Variants in EPN3 observed in about 807,000 individuals in gnomAD.
The protein encoded by EPN3 is epsin-3.
EPN3 carries 56 observed loss-of-function variants against 55.5 expected under a neutral mutation model. The observed-to-expected ratio is 1.01, with a 90% confidence interval of 0.81 to 1.26. EPN3 has a LOEUF of 1.26. EPN3 is among the 50% of genes most tolerant of loss of function. EPN3 has a pLI of 0.00. For missense variants in EPN3, 927 were observed against 853.4 expected (o/e 1.09, Z -1.07); for synonymous variants, 449 against 375.2 (o/e 1.20, Z -2.27).
intron 9 of EPN3, 50 bp downstream of exon 9, chr17:50,541,744 T>C: frequency 1.2e-6 from 2 of 1,607,384 alleles, no homozygotes; most frequent in East Asian, 2.2e-5. Context: ...TTTCAGAGCC[T>C]AGCCTCCGCC....
chr17:50,542,506 C>G lies in EPN3; in HGVS notation c.*349C>G, dbSNP rs188749888. ...CGCTTCCTTTACAGCTCTTCTCAAC[C>G]CTCACCTCCATCCCCCGTCACCCAG... On this transcript the variant is annotated 3_prime_UTR_variant, in exon 10 of 10. Transcript: ENST00000268933. The G allele has an allele frequency of 3.9e-6, 1 of 255,780 alleles. No individual in the cohort carries two copies. Among genetic ancestry groups the G allele is most frequent in the Admixed American group, 5.8e-5 (1 of 17,216 alleles). 15.8% of individuals were successfully genotyped at this position (255,780 alleles called of 1,614,324 possible).
intron 3 of EPN3, 35 bp downstream of exon 3, chr17:50,538,232 G>A: frequency 2.6e-6 from 4 of 1,551,392 alleles, no homozygotes; most frequent in South Asian, 2.2e-5. Context: ...GTGGGGAGGG[G>A]ATGGGCTAGG....
chr17:50,542,082 G>T lies in EPN3; in HGVS notation c.1824G>T (p.Gln608His). Residue 608 changes from glutamine (Q) to histidine (H), a missense_variant, in exon 10 of 10, where the codon CAG (glutamine) becomes CAT (histidine). By Grantham distance (24) the Gln-to-His change is conservative. Coordinates refer to ENST00000268933, the MANE Select transcript of EPN3 (RefSeq NM_017957.3). The part of the protein sequence containing the change: ...VFPQAGAFAP[Q>H]PLLPTPSSAG... ...CGCAGGCCGGAGCCTTCGCACCGCA[G>T]CCGCTGCTGCCCACGCCGAGCTCAG... The T allele has an allele frequency of 6.3e-7, 1 of 1,576,440 alleles. No homozygotes were observed. Among genetic ancestry groups the T allele is most frequent in the Non-Finnish European group, 8.5e-7 (1 of 1,171,296 alleles).
In EPN3 at chr17:50,534,687, C is replaced by T. The variant is rs1347005735; in HGVS notation, c.-137+1702C>T. 1.0e-5 allele frequency: 10 copies of T among 969,614 alleles called. No individual in the cohort carries two copies. The South Asian group carries it at 2.4e-4, about 23-fold the overall frequency. 60.1% of individuals were successfully genotyped at this position (969,614 alleles called of 1,614,324 possible). A position where few individuals can be genotyped will look rare whatever the true frequency, so the allele number is the denominator to read the frequency against. On this transcript the variant is annotated intron_variant, in intron 1 of 9. Transcript: ENST00000268933. ...GCTGTGGGCCAGGCACTCTCCACCT[C>T]GCCCACTCCCACGGTATCTTATTCT...
intron 1 of EPN3, 132 bp from the exon 2 acceptor site, chr17:50,536,289 T>G: frequency 1.6e-6 from 1 of 610,912 alleles, no homozygotes; most frequent in Non-Finnish European, 2.6e-6. Context: ...GTAAGTGAAA[T>G]AAGAACGTGT....
At position 50,541,998 on chromosome 17, in the gene EPN3, C is replaced by G. The variant is rs767331815; in HGVS notation, c.1740C>G (p.Pro580=). The G allele has an allele frequency of 8.8e-6, 14 of 1,598,492 alleles. No homozygotes were observed. The highest frequency in any genetic ancestry group is 1.1e-5 in the Non-Finnish European group (13 of 1,178,852). ...CCATGACCTACAGCGCCTCTCTGCC[C>G]CTCCCGCTCAGCAGCGTGCCAGCTG... The part of the protein sequence containing the change: ...LGSMTYSASL[P]LPLSSVPAGL... The change falls in exon 10 of 10, where the codon CCC becomes CCG. Residue 580 remains proline (P), a synonymous_variant. Transcript: ENST00000268933.
Position 50,541,985 on chromosome 17 carries a change from G to A in EPN3, c.1727G>A (p.Ser576Asn). ...GCGCCCCTGGGCTCCATGACCTACA[G>A]CGCCTCTCTGCCCCTCCCGCTCAGC... ...VGAPLGSMTY[S>N]ASLPLPLSSV... Residue 576 changes from serine (S) to asparagine (N), a missense_variant, in exon 10 of 10, where the codon AGC becomes AAC. Physicochemically the swap from Ser to Asn is conservative, Grantham distance 46 (BLOSUM62 1). Coordinates refer to ENST00000268933, the MANE Select transcript of EPN3 (RefSeq NM_017957.3). 3 of 1,597,966 alleles carry A rather than the reference G, an allele frequency of 1.9e-6. No individual in the cohort carries two copies. Among genetic ancestry groups the A allele is most frequent in the Non-Finnish European group, 2.5e-6 (3 of 1,178,570 alleles).
intron 5 of EPN3, 54 bp from the exon 6 acceptor site, chr17:50,540,193 C>T (rs1212491095): frequency 1.4e-6 from 2 of 1,435,144 alleles, no homozygotes; most frequent in East Asian, 2.3e-5. Flanking sequence ...CAGGGCCTGC[C>T]CTCCCTCCAG....
Position 50,541,689 on chromosome 17 carries a change from T to A in EPN3, c.1580T>A (p.Leu527Gln). ...GTTGCAAAGACCCGGAACCCCTTCCTGACAGGTAAGATATGCCCTTGTCCC... is the reference window on the plus strand; with the variant it reads ...GTTGCAAAGACCCGGAACCCCTTCCAGACAGGTAAGATATGCCCTTGTCCC... Reference protein sequence around the residue: ...PQVAKTRNPFLTGLSAPSPTN... With the variant: ...PQVAKTRNPFQTGLSAPSPTN... The change falls in exon 9 of 10, where the codon CTG becomes CAG. Residue 527 changes from leucine (L) to glutamine (Q), a missense_variant. Coordinates refer to ENST00000268933, the MANE Select transcript of EPN3 (RefSeq NM_017957.3). The A allele has an allele frequency of 1.2e-6, 2 of 1,614,062 alleles. No homozygotes were observed. Among genetic ancestry groups the A allele is most frequent in the Non-Finnish European group, 1.7e-6 (2 of 1,179,990 alleles).
chr17:50,534,889 G>A (rs1459864057), intron 1 of EPN3, among the ~76,000 whole-genome samples: 1 of 152,184 alleles, frequency 6.6e-6, no homozygotes, highest in Non-Finnish European at 1.5e-5. Flanking sequence ...GGGCTGGGAT[G>A]GAGGGTGGAG....
intron 1 of EPN3, among the ~76,000 whole-genome samples, chr17:50,533,813 G>A (rs2034716918): frequency 2.9e-5 from 1 of 34,334 alleles, no homozygotes; most frequent in South Asian, 1.7e-3. Flanking sequence ...CTGCCCTCTC[G>A]TCATCTCTGA....
Position 50,537,026 on chromosome 17 carries a change from A to G in EPN3, c.470A>G (p.Glu157Gly). The change falls in exon 2 of 10, where the codon GAG (glutamate) becomes GGG (glycine). Residue 157 changes from glutamate (E) to glycine (G), a missense_variant. Glu to Gly is a moderately conservative substitution (Grantham distance 98). Coordinates refer to ENST00000268933, the MANE Select transcript of EPN3 (RefSeq NM_017957.3). Reference protein sequence around the residue: ...ALKTKERMALEGIGIGSGQLG... With the variant: ...ALKTKERMALGGIGIGSGQLG... Reference sequence around the variant, plus strand: ...AAGACCAAGGAGCGCATGGCACTGGAGGGCATCGGCATTGGCAGTGGGCAG... The same window carrying G: ...AAGACCAAGGAGCGCATGGCACTGGGGGGCATCGGCATTGGCAGTGGGCAG... 3 of 1,613,160 alleles carry G rather than the reference A, an allele frequency of 1.9e-6. No homozygotes were observed. Among genetic ancestry groups the G allele is most frequent in the Non-Finnish European group, 2.5e-6 (3 of 1,179,942 alleles).
At chr17:50,539,052 C>A in intron 4 of EPN3, 88 bp downstream of exon 4, 1 of 1,533,392 alleles carries the variant, frequency 6.5e-7, no homozygotes, top group Non-Finnish European at 8.8e-7. Context: ...TCCCGCTGTA[C>A]CCGGTGGCCC....
At position 50,543,734 on chromosome 17, in the gene EPN3, A is replaced by G. The variant is rs2144043478; in HGVS notation, c.*1577A>G. ...GGTTATGCTCTGTGACCTTGAGTAAATTACTTACCCTCTCCATGTCTCTGT... is the reference window on the plus strand; with the variant it reads ...GGTTATGCTCTGTGACCTTGAGTAAGTTACTTACCCTCTCCATGTCTCTGT... On this transcript the variant is annotated 3_prime_UTR_variant, in exon 10 of 10. Coordinates refer to ENST00000268933, the MANE Select transcript of EPN3 (RefSeq NM_017957.3). 6.6e-6 allele frequency: 1 copy of G among 152,346 alleles called. No individual in the cohort carries two copies. 9.4% of individuals were successfully genotyped at this position (152,346 alleles called of 1,614,324 possible). A position where few individuals can be genotyped will look rare whatever the true frequency, so the allele number is the denominator to read the frequency against.
intron 8 of EPN3, 40 bp downstream of exon 8, chr17:50,541,373 G>A (rs760921085): frequency 3.7e-6 from 6 of 1,608,058 alleles, no homozygotes; most frequent in Admixed American, 1.7e-5. Flanking sequence ...TGGGGAATGA[G>A]GGGCCCACCC....
chr17:50,541,127 G>C, intron 7 of EPN3, 65 bp downstream of exon 7: 2 of 1,586,736 alleles, frequency 1.3e-6, no homozygotes, highest in Non-Finnish European at 1.7e-6. Context: ...CCAAGGGGCA[G>C]CAGATACTGT....
At chr17:50,539,453 G>A in intron 5 of EPN3, 138 bp downstream of exon 5, 1 of 1,304,074 alleles carries the variant, frequency 7.7e-7, no homozygotes, top group Non-Finnish European at 1.0e-6. Flanking sequence ...TGGGGGTGTA[G>A]CAGCCCTAGT....
chr17:50,541,325 G>C lies in EPN3; in HGVS notation c.1346G>C (p.Ser449Thr). 1 of 1,612,240 alleles carries C rather than the reference G, an allele frequency of 6.2e-7. No homozygotes were observed. The highest frequency in any genetic ancestry group is 8.5e-7 in the Non-Finnish European group (1 of 1,179,960). Residue 449 changes from serine to threonine, a missense_variant, in exon 8 of 10, where the codon AGC (serine) becomes ACC (threonine). By Grantham distance (58) the Ser-to-Thr change is moderately conservative. Coordinates refer to ENST00000268933, the MANE Select transcript of EPN3 (RefSeq NM_017957.3). Reference protein sequence around the residue: ...EQALPSGKPSSPVELDLFGDP... With the variant: ...EQALPSGKPSTPVELDLFGDP... Reference sequence around the variant, plus strand: ...GCCCTGCCCTCTGGGAAGCCCAGCAGCCCTGTGGGTGAGCAGGGCAAGGGG... The same window carrying C: ...GCCCTGCCCTCTGGGAAGCCCAGCACCCCTGTGGGTGAGCAGGGCAAGGGG...
At chr17:50,537,788 C>A in intron 2 of EPN3, 1 of 396,022 alleles carries the variant, frequency 2.5e-6, no homozygotes, top group Non-Finnish European at 4.5e-6. Flanking sequence ...TCTGGAAGTC[C>A]AAGAGCTGGA....
Sources: allele counts gnomAD v4.1 joint callset (sites outside exome capture counted in the v4.1 genomes callset), GRCh38; gene constraint gnomAD v4.1.1; transcripts MANE v1.5; gene names NCBI Gene and HGNC (gene_info 2026-07-23, HGNC 2026-07-21).